AVEN: variants seen among roughly 807,000 people sequenced by gnomAD.
The protein encoded by AVEN is apoptosis and caspase activation inhibitor, also known as cell death regulator Aven.
In AVEN, 41 loss-of-function variants were observed where a neutral mutation model predicts 38.1. The ratio of observed to expected loss-of-function variants is 1.08; its 90% CI spans 0.84 to 1.40. The LOEUF (loss-of-function observed/expected upper bound fraction) is 1.40, where lower values mean the gene tolerates loss of function less well. AVEN is among the 40% of genes most tolerant of loss of function. The pLI, the probability that AVEN is intolerant of heterozygous loss-of-function variation, is 0.00. For synonymous variants in AVEN, 206 were observed against 171.8 expected (o/e 1.20, Z -1.56); for missense variants, 605 against 438.8 (o/e 1.38, Z -3.38).
chr15:34,025,178 G>A (rs996180028), intron 1 of AVEN, among the ~76,000 whole-genome samples: 1 of 152,058 alleles, frequency 6.6e-6, no homozygotes, highest in Admixed American at 6.6e-5. Context: ...TCAAAAAAAA[G>A]GGTGGCATTT....
At chr15:34,031,322 A>C (rs997383358) in intron 1 of AVEN, among the ~76,000 whole-genome samples, 10 of 151,760 alleles carry the variant, frequency 6.6e-5, no homozygotes, top group Middle Eastern at 3.4e-3. Context: ...TTACAGGCGC[A>C]TGCCACCATG....
intron 1 of AVEN, among the ~76,000 whole-genome samples, chr15:34,003,529 T>TAA (rs1431397780): frequency 2.6e-5 from 4 of 152,224 alleles, no homozygotes; most frequent in Admixed American, 6.5e-5. Flanking sequence ...GTAAGCATCT[T>TAA]AAACTCAAAG....
Position 34,031,395 on chromosome 15 carries a change from G to A in AVEN, c.267+7385C>T, listed in dbSNP as rs551688131. On this transcript the variant is annotated intron_variant, in intron 1 of 5. Transcript: ENST00000306730. Reference sequence around the variant, plus strand: ...TCATCATGTTGGTCAGGCTGGTCTCGAACTCCTGACCTCAGGTGATCTGCC... The same window carrying A: ...TCATCATGTTGGTCAGGCTGGTCTCAAACTCCTGACCTCAGGTGATCTGCC... Among the ~76,000 whole-genome samples, 371 of 151,954 alleles carry A rather than the reference G, an allele frequency of 2.4e-3. 2 individuals carry two copies. The highest frequency in any genetic ancestry group is 8.3e-3 in the African/African-American group (344 of 41,430).
chr15:33,989,200 T>C (rs1310199580), intron 2 of AVEN, among the ~76,000 whole-genome samples: 1 of 152,146 alleles, frequency 6.6e-6, no homozygotes, highest in African/African-American at 2.4e-5. Flanking sequence ...ATCATTTATT[T>C]TTCTAATTAC....
At chr15:33,916,294 A>G (rs548575052) in intron 2 of AVEN, among the ~76,000 whole-genome samples, 1 of 152,264 alleles carries the variant, frequency 6.6e-6, no homozygotes, top group African/African-American at 2.4e-5. Context: ...TGCCACCTCT[A>G]CTGGAGCAAG....
chr15:33,920,412 T>C (rs1473376454), intron 2 of AVEN, among the ~76,000 whole-genome samples: 3 of 152,236 alleles, frequency 2.0e-5, no homozygotes, highest in African/African-American at 7.2e-5. Flanking sequence ...GTACTTCATA[T>C]ACACGGAATC....
chr15:34,005,638 C>T (rs1453765446), intron 1 of AVEN, among the ~76,000 whole-genome samples: 1 of 152,160 alleles, frequency 6.6e-6, no homozygotes, highest in African/African-American at 2.4e-5. Flanking sequence ...TCCACTCACC[C>T]ACTGTACAGA....
At chr15:33,863,059 A>C (rs900714670), downstream of AVEN, among the ~76,000 whole-genome samples, 3 of 150,638 alleles carry the variant, frequency 2.0e-5, no homozygotes, top group African/African-American at 7.5e-5. Flanking sequence ...GTTATAGACC[A>C]GTGGAAGGAT....
At chr15:33,873,523 T>C (rs879737327) in intron 3 of AVEN, among the ~76,000 whole-genome samples, 1 of 147,954 alleles carries the variant, frequency 6.8e-6, no homozygotes, top group East Asian at 2.0e-4. Flanking sequence ...ACTCAACATA[T>C]AATATATATT....
At chr15:33,861,063 TG>T in intron 11 of AVEN, 9 of 1,555,410 alleles carry the variant, frequency 5.8e-6, no homozygotes, top group Non-Finnish European at 7.9e-6. Context: ...CTTTTCTGCC[TG>T]TTATTTTTCT....
At chr15:33,984,092 GA>G (rs1462426681) in intron 2 of AVEN, among the ~76,000 whole-genome samples, 2 of 152,014 alleles carry the variant, frequency 1.3e-5, no homozygotes, top group Non-Finnish European at 2.9e-5. Context: ...AGTTAGAAGA[GA>G]AAAAGGACAT....
intron 11 of AVEN, chr15:33,859,792 C>T (rs2080134272): frequency 2.7e-6 from 4 of 1,489,284 alleles, no homozygotes; most frequent in Non-Finnish European, 3.6e-6. Context: ...TTGCTTTCTT[C>T]CATCTATGAC....
intron 2 of AVEN, among the ~76,000 whole-genome samples, chr15:33,891,449 AT>A (rs1891961322): frequency 6.6e-6 from 1 of 151,888 alleles, no homozygotes; most frequent in Non-Finnish European, 1.5e-5. Context: ...AAGTGTTCTC[AT>A]TGTTCAGTTC....
Position 33,920,591 on chromosome 15 carries a change from C to T in AVEN, c.446-44596G>A, listed in dbSNP as rs139563573. 2.3e-3 allele frequency among the ~76,000 whole-genome samples: 357 copies of T among 152,174 alleles called. 3 individuals carry two copies. The highest frequency in any genetic ancestry group is 2.5e-3 in the Non-Finnish European group (169 of 67,990). On this transcript the variant is annotated intron_variant, in intron 2 of 5. Coordinates refer to ENST00000306730, the MANE Select transcript of AVEN (RefSeq NM_020371.3). ...AAAGAACATGCTCCTTTTCTGATAA[C>T]AAAAGTAATCCATGTTCAAAGCAAA...
chr15:34,063,740 G>T lies in AVEN; in HGVS notation n.1127-308C>A. ...CAGGGGAAGAATTCAGTGCTGAAGA[G>T]ACTGAGGAAACTTTTGTGAAAGCTG... On this transcript the variant is annotated intron_variant and non_coding_transcript_variant, in intron 4 of 11. Transcript: ENST00000675287. This position sits in a 1 kb window ranked among gnomAD's most constrained non-coding sequence, Gnocchi z 4.1. 6.2e-7 allele frequency: 1 copy of T among 1,614,226 alleles called. No homozygotes were observed. Among genetic ancestry groups the T allele is most frequent in the Non-Finnish European group, 8.5e-7 (1 of 1,180,052 alleles).
intron 5 of AVEN, among the ~76,000 whole-genome samples, chr15:34,055,087 G>A (rs760941158): frequency 2.5e-4 from 38 of 151,936 alleles, no homozygotes; most frequent in Middle Eastern, 3.4e-3. Context: ...AGCTACTCAG[G>A]AGGCTGAGGC....
chr15:33,942,154 T>G (rs1487343955), intron 2 of AVEN, among the ~76,000 whole-genome samples: 1 of 152,224 alleles, frequency 6.6e-6, no homozygotes, highest in East Asian at 1.9e-4. Flanking sequence ...CAGTTACTAT[T>G]TCCAATTACA....
intron 4 of AVEN, among the ~76,000 whole-genome samples, chr15:33,870,129 G>C (rs1379422982): frequency 6.6e-6 from 1 of 151,856 alleles, no homozygotes; most frequent in Non-Finnish European, 1.5e-5. Context: ...CCAATATACC[G>C]TCAAATCCTG....
At chr15:33,896,808 C>CTA (rs1466139333) in intron 2 of AVEN, among the ~76,000 whole-genome samples, 1 of 152,176 alleles carries the variant, frequency 6.6e-6, no homozygotes, top group Admixed American at 6.5e-5. Flanking sequence ...CTCTGTACTC[C>CTA]TATATAATAC....
Sources: allele counts gnomAD v4.1 joint callset (sites outside exome capture counted in the v4.1 genomes callset), GRCh38; gene constraint gnomAD v4.1.1; non-coding constraint Gnocchi (gnomAD v3.1); transcripts MANE v1.5; gene names NCBI Gene and HGNC (gene_info 2026-07-23, HGNC 2026-07-21).